IL4I1: variants seen among roughly 807,000 people sequenced by gnomAD.
The protein encoded by IL4I1 is interleukin 4 induced 1.
In IL4I1, 24 loss-of-function variants were observed where a neutral mutation model predicts 29.7. That is an observed-to-expected ratio of 0.81 (90% CI 0.59 to 1.14). IL4I1 has a LOEUF of 1.14. IL4I1 is among the 50% of genes most tolerant of loss of function. The probability of loss-of-function intolerance (pLI) is 0.00; values close to 1 mark genes in which losing one functional copy is unlikely to be tolerated. For missense variants in IL4I1, 686 were observed against 785.6 expected, an observed-to-expected ratio of 0.87 and a Z score of 1.52; for synonymous variants, 371 against 352.5, an observed-to-expected ratio of 1.05 and a Z score of -0.59.
intron 2 of IL4I1, among the ~76,000 whole-genome samples, chr19:49,924,523 G>A (rs963230867): frequency 1.6e-4 from 24 of 152,192 alleles, no homozygotes; most frequent in African/African-American, 3.1e-4. Flanking sequence ...CCCCAAGCCA[G>A]GCCCCTCCGC....
chr19:49,907,540 T>TTC (rs1280097884), intron 2 of IL4I1: 2 of 138,220 alleles, frequency 1.4e-5, no homozygotes, highest in African/African-American at 8.3e-5. Context: ...GGAGTTTCTT[T>TTC]TTTTTTTTTT....
intron 3 of IL4I1, among the ~76,000 whole-genome samples, chr19:49,903,378 G>T (rs2075287501): frequency 6.6e-6 from 1 of 152,164 alleles, no homozygotes; most frequent in Non-Finnish European, 1.5e-5. Context: ...ACGGGACAAG[G>T]GCGCCCATGT....
chr19:49,899,839 G>A (rs1054752079), upstream of IL4I1, among the ~76,000 whole-genome samples: 2 of 152,202 alleles, frequency 1.3e-5, no homozygotes, highest in African/African-American at 4.8e-5. Context: ...ACAGGCGTGA[G>A]CCACCTCGCC....
At chr19:49,922,754 C>T (rs879623225) in intron 2 of IL4I1, among the ~76,000 whole-genome samples, 1 of 152,054 alleles carries the variant, frequency 6.6e-6, no homozygotes, top group Non-Finnish European at 1.5e-5. Flanking sequence ...GTGAAACCAG[C>T]AGCTTTGCAC....
At chr19:49,912,156 A>C (rs902315221) in intron 2 of IL4I1, among the ~76,000 whole-genome samples, 2 of 150,052 alleles carry the variant, frequency 1.3e-5, no homozygotes, top group African/African-American at 2.4e-5. Flanking sequence ...TGTCTGGCTT[A>C]ACAGTTCACC....
chr19:49,890,736 C>T lies in IL4I1; in HGVS notation c.774-136G>A, dbSNP rs1036473235. On this transcript the variant is annotated intron_variant, in intron 7 of 7. Transcript: ENST00000391826. ...CCCCGTCATCCACCTCTCCCGACCC[C>T]GCCCGTCCCTGACATCCCAAAGGCC... The T allele has an allele frequency of 9.5e-5, 85 of 895,770 alleles. No homozygotes were observed. The East Asian group carries it at 1.9e-3, about 20-fold the overall frequency. 55.5% of individuals were successfully genotyped at this position (895,770 alleles called of 1,614,324 possible). A position where few individuals can be genotyped will look rare whatever the true frequency, so the allele number is the denominator to read the frequency against.
At chr19:49,901,721 C>T (rs374709176), upstream of IL4I1, 212 of 1,524,044 alleles carry the variant, frequency 1.4e-4, no homozygotes, top group African/African-American at 1.8e-3. Flanking sequence ...TGGGCATGTG[C>T]GGAATCAAGG....
chr19:49,893,238 G>A (rs2075161577), intron 5 of IL4I1, among the ~76,000 whole-genome samples: 1 of 152,044 alleles, frequency 6.6e-6, no homozygotes. Flanking sequence ...GACGTTTCTG[G>A]TACCAGGCTG....
chr19:49,895,954 T>A lies in IL4I1; in HGVS notation c.113A>T (p.Gln38Leu). The change falls in exon 3 of 8, where the codon CAG becomes CTG. Residue 38 changes from glutamine (Q) to leucine (L), a missense_variant. Transcript: ENST00000391826. ...RSQDPFEKCM[Q>L]DPDYEQLLKV... ...GAGCAGCTGCTCATAGTCAGGATCC[T>A]GCATGCATTTCTCGAAGGGGTCTTG... 6.2e-7 allele frequency: 1 copy of A among 1,614,180 alleles called. No homozygotes were observed. The highest frequency in any genetic ancestry group is 8.5e-7 in the Non-Finnish European group (1 of 1,180,038).
chr19:49,906,501 C>A (rs2075326141), intron 2 of IL4I1, among the ~76,000 whole-genome samples: 1 of 152,154 alleles, frequency 6.6e-6, no homozygotes, highest in African/African-American at 2.4e-5. Flanking sequence ...TGTGAGCCAC[C>A]TCGCCCAGCC....
At chr19:49,909,732 T>C (rs774664471) in intron 2 of IL4I1, 1 of 1,613,960 alleles carries the variant, frequency 6.2e-7, no homozygotes, top group African/African-American at 1.3e-5. Flanking sequence ...GCAGGTGTGG[T>C]TGTTGCCGTC....
chr19:49,908,907 C>T lies in IL4I1; in HGVS notation c.-227-4586G>A, dbSNP rs769004235. 33 of 1,607,606 alleles carry T rather than the reference C, an allele frequency of 2.1e-5. No homozygotes were observed. Among genetic ancestry groups the T allele is most frequent in the Middle Eastern group, 1.7e-4 (1 of 6,036 alleles). ...GCAGCTGCTGTATTGCTGGGGATCCCGGCTGGCGCCAGTGGTTTTAAATTC... is the reference window on the plus strand; with the variant it reads ...GCAGCTGCTGTATTGCTGGGGATCCTGGCTGGCGCCAGTGGTTTTAAATTC... On this transcript the variant is annotated intron_variant, in intron 2 of 9. Coordinates refer to the IL4I1 transcript ENST00000341114.
rs927312327 is a variant in IL4I1 at position 49,916,758 on chromosome 19, C to T, written c.-228+10936G>A. Among the ~76,000 whole-genome samples the T allele has an allele frequency of 5.3e-5, 8 of 151,964 alleles. No homozygotes were observed. The South Asian group carries it at 6.3e-4, about 12-fold the overall frequency. On this transcript the variant is annotated intron_variant, in intron 2 of 9. Coordinates refer to the IL4I1 transcript ENST00000341114. ...CAGCCTGGGAGACAGAGCGAGACTC[C>T]GTCTCAAAAACAAAAAAACAAAAAT...
rs1203777132 is a variant in IL4I1 at position 49,890,605 on chromosome 19, A to C, written c.774-5T>G. ...CCACCCACGATGCGGCTGTACCTGC[A>C]GGCGGGGCGGGGCGGGGTGGGGGCG... On this transcript the variant is annotated splice_polypyrimidine_tract_variant and splice_region_variant and intron_variant, in intron 7 of 7. Transcript: ENST00000391826. 7.1e-7 allele frequency: 1 copy of C among 1,416,342 alleles called. No homozygotes were observed. Among genetic ancestry groups the C allele is most frequent in the East Asian group, 2.6e-5 (1 of 38,666 alleles). The allele number at this position is 1,416,342 out of a possible 1,614,324, so 87.7% of individuals were successfully genotyped here.
At chr19:49,898,084 G>T (rs146451493), upstream of IL4I1, among the ~76,000 whole-genome samples, 718 of 152,360 alleles carry the variant, frequency 4.7e-3, 10 homozygotes, top group African/African-American at 0.017. Flanking sequence ...ACTTTGGGAG[G>T]TCGAGGCAGG....
upstream of IL4I1, among the ~76,000 whole-genome samples, chr19:49,899,599 C>T (rs1483845693): frequency 1.3e-5 from 2 of 151,694 alleles, no homozygotes; most frequent in African/African-American, 2.4e-5. Context: ...CTCTGTCACC[C>T]AGGCTGGAGT....
rs1213924992 is a variant in IL4I1 at position 49,889,719 on chromosome 19, T to C, written c.1655A>G (p.Gln552Arg). 4 of 1,513,532 alleles carry C rather than the reference T, an allele frequency of 2.6e-6. No homozygotes were observed. The South Asian group carries it at 5.3e-5, about 20-fold the overall frequency. The allele number at this position is 1,513,532 out of a possible 1,614,324, so 93.8% of individuals were successfully genotyped here. A position where few individuals can be genotyped will look rare whatever the true frequency, so the allele number is the denominator to read the frequency against. Residue 552 changes from glutamine to arginine, a missense_variant, in exon 8 of 8, where the codon CAA becomes CGA. Coordinates refer to ENST00000391826, the MANE Select transcript of IL4I1 (RefSeq NM_152899.2). ...CGTGTTTTGGAGAGATAACTGGCCT[T>C]GGACTGGAGGGTGGCTGCCTTCTTC... ...AKEEGSHPPV[Q>R]GQLSLQNTTH... is the part of the protein sequence containing the mutation.
intron 1 of IL4I1, chr19:49,929,058 G>A (rs1176610856): frequency 1.3e-5 from 2 of 152,274 alleles, no homozygotes; most frequent in East Asian, 1.9e-4. Flanking sequence ...GGAGTGGGAA[G>A]GAAAGGCTCG....
chr19:49,920,965 A>C (rs534102167), intron 2 of IL4I1, among the ~76,000 whole-genome samples: 167 of 152,176 alleles, frequency 1.1e-3, no homozygotes, highest in African/African-American at 3.8e-3. Context: ...TGTGGTGGAG[A>C]CGGTTGCTAT....
Sources: allele counts gnomAD v4.1 joint callset (sites outside exome capture counted in the v4.1 genomes callset), GRCh38; gene constraint gnomAD v4.1.1; transcripts MANE v1.5; gene names NCBI Gene and HGNC (gene_info 2026-07-23, HGNC 2026-07-21).